Variants in CNTNAP5 observed in about 807,000 individuals in gnomAD.
The protein encoded by CNTNAP5 is contactin associated protein family member 5, also known as contactin-associated protein-like 5.
A neutral mutation model predicts 150.2 loss-of-function variants in CNTNAP5; 72 were observed. The ratio of observed to expected loss-of-function variants is 0.48; its 90% confidence interval spans 0.40 to 0.58. The LOEUF (loss-of-function observed/expected upper bound fraction) is 0.58. Ranked by LOEUF, CNTNAP5 falls within the 20% of genes least tolerant of loss-of-function variation. The probability of loss-of-function intolerance (pLI) is 0.00; values close to 1 mark genes in which losing one functional copy is unlikely to be tolerated. For synonymous variants in CNTNAP5, 672 were observed against 619.8 expected (o/e 1.08, Z -1.25); for missense variants, 1,636 against 1,626.2 (o/e 1.01, Z -0.10).
intron 13 of CNTNAP5, among the ~76,000 whole-genome samples, chr2:124,691,928 A>C (rs140616968): frequency 6.6e-6 from 1 of 152,090 alleles, no homozygotes; most frequent in African/African-American, 2.4e-5. Flanking sequence ...CCTTGCCACT[A>C]TGATTTGCTT....
At chr2:124,408,290 C>G (rs368222488) in intron 3 of CNTNAP5, among the ~76,000 whole-genome samples, 24,234 of 151,554 alleles carry the variant, frequency 0.16, 1,992 homozygotes, top group Non-Finnish European at 0.19. Context: ...ACTGCAAGGC[C>G]GCAGCGAGGC....
chr2:124,738,129 A>G (rs908560044), intron 13 of CNTNAP5, among the ~76,000 whole-genome samples: 3 of 152,128 alleles, frequency 2.0e-5, no homozygotes, highest in African/African-American at 4.8e-5. Flanking sequence ...GAATCGGTAT[A>G]AGTTAAACTA....
chr2:124,570,131 CT>C (rs1197832514), intron 11 of CNTNAP5, among the ~76,000 whole-genome samples: 3 of 152,282 alleles, frequency 2.0e-5, no homozygotes, highest in Admixed American at 6.5e-5. Flanking sequence ...TCTCCAGCCT[CT>C]GATCTAATCC....
At chr2:124,747,821 T>G (rs1401792144) in intron 14 of CNTNAP5, among the ~76,000 whole-genome samples, 1 of 130,462 alleles carries the variant, frequency 7.7e-6, no homozygotes, top group Non-Finnish European at 1.6e-5. Flanking sequence ...TTTTTTTAGT[T>G]GAGACAAGAG....
At chr2:124,562,926 A>C (rs1695927947) in intron 10 of CNTNAP5, among the ~76,000 whole-genome samples, 1 of 152,226 alleles carries the variant, frequency 6.6e-6, no homozygotes, top group Admixed American at 6.5e-5. Context: ...TGACCACTTC[A>C]AATTAACTTT....
intron 6 of CNTNAP5, among the ~76,000 whole-genome samples, chr2:124,451,329 T>C (rs1046989329): frequency 6.6e-6 from 1 of 151,782 alleles, no homozygotes; most frequent in Non-Finnish European, 1.5e-5. Flanking sequence ...AAGTTTTAAA[T>C]AGAGATCATA....
At position 124,611,272 on chromosome 2, in the gene CNTNAP5, G is replaced by A. The variant is rs112686814; in HGVS notation, c.1876+1352G>A. Among the ~76,000 whole-genome samples the A allele has an allele frequency of 7.3e-3, 1,106 of 152,270 alleles. 12 individuals carry two copies. Among genetic ancestry groups the A allele is most frequent in the African/African-American group, 0.024 (1,007 of 41,560 alleles). ...AGTAAAGTCAGGAACACTACCGTGAGGTATCTCCAGCTAAATGCAAGAAAA... is the reference window on the plus strand; with the variant it reads ...AGTAAAGTCAGGAACACTACCGTGAAGTATCTCCAGCTAAATGCAAGAAAA... On this transcript the variant is annotated intron_variant, in intron 12 of 23. Transcript: ENST00000682447.
chr2:124,262,084 T>G (rs1023795596), intron 3 of CNTNAP5, among the ~76,000 whole-genome samples: 1 of 147,578 alleles, frequency 6.8e-6, no homozygotes, highest in African/African-American at 2.5e-5. Context: ...TCTACGTTTC[T>G]TTTTTTTTTA....
intron 1 of CNTNAP5, among the ~76,000 whole-genome samples, chr2:124,218,541 G>A (rs1686220709): frequency 6.6e-6 from 1 of 152,164 alleles, no homozygotes; most frequent in Admixed American, 6.6e-5. Flanking sequence ...TATGAGGAAA[G>A]GGCTGCTGAA....
At chr2:124,852,285 G>T (rs1190692936) in intron 19 of CNTNAP5, among the ~76,000 whole-genome samples, 1 of 152,182 alleles carries the variant, frequency 6.6e-6, no homozygotes, top group African/African-American at 2.4e-5. Flanking sequence ...GGTGTGCATG[G>T]ATATGGAGAC....
rs1207750958 is a variant in CNTNAP5 at position 124,747,258 on chromosome 2, C to T, written c.2107C>T (p.Arg703Trp). 5.6e-6 allele frequency: 9 copies of T among 1,613,456 alleles called. No homozygotes were observed. Among genetic ancestry groups the T allele is most frequent in the African/African-American group, 2.7e-5 (2 of 74,910 alleles). The change falls in exon 14 of 24, where the codon CGG (arginine) becomes TGG (tryptophan). Residue 703 changes from arginine (R) to tryptophan (W), a missense_variant. Transcript: ENST00000682447. ...DGTPFTWWIG[R>W]SNERHPYWGG... ...AACACCATTTACCTGGTGGATTGGG[C>T]GGTCCAATGAAAGGCACCCTTACTG...
chr2:124,073,576 A>C (rs1228741968), intron 1 of CNTNAP5, among the ~76,000 whole-genome samples: 1 of 152,138 alleles, frequency 6.6e-6, no homozygotes, highest in Non-Finnish European at 1.5e-5. Flanking sequence ...GCAAACAGGC[A>C]TATGAAAAGG....
intron 1 of CNTNAP5, among the ~76,000 whole-genome samples, chr2:124,180,766 G>T (rs1383666066): frequency 7.0e-6 from 1 of 143,636 alleles, no homozygotes; most frequent in Non-Finnish European, 1.5e-5. Context: ...TTCAGGAAAT[G>T]AAAGCCCCCC....
chr2:124,819,722 C>G (rs1682444081), intron 19 of CNTNAP5, among the ~76,000 whole-genome samples: 1 of 152,068 alleles, frequency 6.6e-6, no homozygotes, highest in Non-Finnish European at 1.5e-5. Flanking sequence ...GAAAGGAGGT[C>G]CAGGAAGCCA....
chr2:124,707,204 G>GAAGAAGAAT lies in CNTNAP5; in HGVS notation c.2078-40023_2078-40022insGAAGAATAA, dbSNP rs1010621414. Among the ~76,000 whole-genome samples, 68 of 142,690 alleles carry GAAGAAGAAT rather than the reference G, an allele frequency of 4.8e-4. 1 individual carries two copies. The highest frequency in any genetic ancestry group is 7.4e-3 in the Middle Eastern group (2 of 270). The allele number at this position is 142,690 out of a possible 152,430, so 93.6% of individuals were successfully genotyped here. A position where few individuals can be genotyped will look rare whatever the true frequency, so the allele number is the denominator to read the frequency against. ...AGAAGAAGAAGAAGAAGAAGAAGAA[G>GAAGAAGAAT]AATAAACAACTTGGGATCATTCACT... is the stretch of plus-strand genomic sequence containing the variant. On this transcript the variant is annotated intron_variant, in intron 13 of 23. Transcript: ENST00000682447.
intron 12 of CNTNAP5, among the ~76,000 whole-genome samples, chr2:124,645,033 T>G (rs746959033): frequency 6.6e-6 from 1 of 152,208 alleles, no homozygotes; most frequent in Admixed American, 6.5e-5. Flanking sequence ...GGGTTTTCCT[T>G]GTCTTCTTTG....
intron 12 of CNTNAP5, among the ~76,000 whole-genome samples, chr2:124,624,756 G>C (rs1196641040): frequency 1.3e-5 from 2 of 152,114 alleles, no homozygotes; most frequent in Non-Finnish European, 2.9e-5. Context: ...TAGTACAAAG[G>C]AAACAGGGGT....
chr2:124,281,781 GA>G (rs1688018695), intron 3 of CNTNAP5, among the ~76,000 whole-genome samples: 1 of 152,106 alleles, frequency 6.6e-6, no homozygotes, highest in African/African-American at 2.4e-5. Flanking sequence ...ACGGAAGCCG[GA>G]TGGGACCTTT....
chr2:124,380,454 A>G (rs1265009108), intron 3 of CNTNAP5, among the ~76,000 whole-genome samples: 1 of 152,186 alleles, frequency 6.6e-6, no homozygotes, highest in Non-Finnish European at 1.5e-5. Flanking sequence ...AGAGAGACAG[A>G]TAATTGCTGT....
Sources: allele counts gnomAD v4.1 joint callset (sites outside exome capture counted in the v4.1 genomes callset), GRCh38; gene constraint gnomAD v4.1.1; transcripts MANE v1.5; gene names NCBI Gene and HGNC (gene_info 2026-07-23, HGNC 2026-07-21).